CD80: variants seen among roughly 807,000 people sequenced by gnomAD.
The protein encoded by CD80 is CD80 molecule.
In CD80, 13 loss-of-function variants were observed where a neutral mutation model predicts 27.1. The observed-to-expected ratio is 0.48, with a 90% CI of 0.31 to 0.76. The LOEUF is 0.76. Ranked by LOEUF, CD80 falls within the 30% of genes least tolerant of loss-of-function variation. The pLI, the probability that CD80 is intolerant of heterozygous loss-of-function variation, is 0.04. For missense variants in CD80, 277 were observed against 347.9 expected (o/e 0.80, Z 1.62); for synonymous variants, 125 against 125.5 (o/e 1.00, Z 0.03).
chr3:119,536,954 T>A (rs938609821), intron 4 of CD80, among the ~76,000 whole-genome samples, 183 bp downstream of exon 4: 1 of 152,252 alleles, frequency 6.6e-6, no homozygotes, highest in Non-Finnish European at 1.5e-5. Context: ...GGCTGTACCA[T>A]GTAGCCTAGG....
At chr3:119,545,336 CCAAA>C (rs138694157) in intron 2 of CD80, among the ~76,000 whole-genome samples, 10,199 of 151,130 alleles carry the variant, frequency 0.067, 1,016 homozygotes, top group African/African-American at 0.22. Context: ...AACTCCATCT[CCAAA>C]CAAACAAACA....
chr3:119,527,727 G>A lies in CD80; in HGVS notation c.*38+6C>T, dbSNP rs1158747052. ...CATGTATCCCAGAAGAGATGACGGA[G>A]GCTACCTTCAGATCTTTTCAGCCCC... On this transcript the variant is annotated splice_donor_region_variant and intron_variant, in intron 6 of 6. Transcript: ENST00000264246. The A allele has an allele frequency of 6.7e-7, 1 of 1,501,118 alleles. No homozygotes were observed. The highest frequency in any genetic ancestry group is 2.3e-5 in the East Asian group (1 of 44,344). The allele number at this position is 1,501,118 out of a possible 1,614,324, so 93.0% of individuals were successfully genotyped here. A position where few individuals can be genotyped will look rare whatever the true frequency, so the allele number is the denominator to read the frequency against.
chr3:119,531,455 C>T (rs1248233229), intron 4 of CD80, among the ~76,000 whole-genome samples: 1 of 152,184 alleles, frequency 6.6e-6, no homozygotes, highest in Non-Finnish European at 1.5e-5. Context: ...TATTTCTTTC[C>T]ATAGTAGGAT....
intron 2 of CD80, among the ~76,000 whole-genome samples, chr3:119,550,556 G>C (rs2082225862): frequency 6.6e-6 from 1 of 152,162 alleles, no homozygotes; most frequent in Non-Finnish European, 1.5e-5. Flanking sequence ...AGTTTTGTCT[G>C]TTTTAGGGAC....
In CD80 at chr3:119,542,449, T is replaced by C. The variant is rs112633362; in HGVS notation, c.418+2101A>G. Among the ~76,000 whole-genome samples, 62 of 152,268 alleles carry C rather than the reference T, an allele frequency of 4.1e-4. 2 individuals are homozygous for C. Among genetic ancestry groups the C allele is most frequent in the African/African-American group, 1.5e-3 (61 of 41,560 alleles). ...TCATTATGTTTTATTAAGTAAGAAGTTTGGTTTTCACTAGAGGCTCAAGTC... is the reference window on the plus strand; with the variant it reads ...TCATTATGTTTTATTAAGTAAGAAGCTTGGTTTTCACTAGAGGCTCAAGTC... On this transcript the variant is annotated intron_variant, in intron 3 of 6. Transcript: ENST00000264246.
chr3:119,557,549 G>T lies in CD80; in HGVS notation c.100+80C>A, dbSNP rs955949163. On this transcript the variant is annotated intron_variant, in intron 2 of 6. Coordinates refer to ENST00000264246, the MANE Select transcript of CD80 (RefSeq NM_005191.4). ...CCTTCCAGCTTATAGGATAATAGAA[G>T]GGAGCAGCTCAGAGAACCCCATGTC... The T allele has an allele frequency of 6.2e-5, 54 of 873,528 alleles. 6 individuals carry two copies. The Admixed American group carries it at 8.4e-4, about 14-fold the overall frequency. 54.1% of individuals were successfully genotyped at this position (873,528 alleles called of 1,614,324 possible). A position where few individuals can be genotyped will look rare whatever the true frequency, so the allele number is the denominator to read the frequency against.
rs2082144364 is a variant in CD80 at position 119,537,243 on chromosome 3, A to G, written c.594T>C (p.Tyr198=). 6.2e-7 allele frequency: 1 copy of G among 1,614,130 alleles called. No homozygotes were observed. The highest frequency in any genetic ancestry group is 8.5e-7 in the Non-Finnish European group (1 of 1,179,992). Residue 198 remains tyrosine (Y), a synonymous_variant, in exon 4 of 7, where the codon TAT becomes TAC. Transcript: ENST00000264246. ...TVSQDPETEL[Y]AVSSKLDFNM... The stretch of plus-strand genomic sequence containing the variant: ...TGAAATCCAGTTTGCTGCTAACAGC[A>G]TAGAGCTCAGTTTCAGGATCTTGGG...
intron 6 of CD80, 85 bp downstream of exon 6, chr3:119,527,647 TG>T: frequency 2.8e-6 from 2 of 712,700 alleles, no homozygotes; most frequent in Non-Finnish European, 4.8e-6. Flanking sequence ...GGTGAGGTAG[TG>T]GGTAAAACAG....
chr3:119,531,619 A>G (rs893815846), intron 4 of CD80, among the ~76,000 whole-genome samples: 1 of 151,856 alleles, frequency 6.6e-6, no homozygotes, highest in Admixed American at 6.6e-5. Flanking sequence ...CCCTGTTTTT[A>G]CTTTTCTGAT....
intron 2 of CD80, among the ~76,000 whole-genome samples, chr3:119,545,406 T>G (rs1000213010): frequency 1.3e-5 from 2 of 152,110 alleles, no homozygotes; most frequent in Non-Finnish European, 2.9e-5. Context: ...AAGTGTACAG[T>G]TCAGTAATGT....
chr3:119,539,468 CT>C (rs1475172981), intron 3 of CD80, among the ~76,000 whole-genome samples: 1 of 151,656 alleles, frequency 6.6e-6, no homozygotes, highest in Non-Finnish European at 1.5e-5. Flanking sequence ...TATATCCAAA[CT>C]ACAACATTGA....
In CD80 at chr3:119,527,871, ATAAG is replaced by A. The variant is rs748062893; in HGVS notation, c.797-34_797-31del. ...GAGACAAGAACAAACAATAAAAATGATAAGTAAGTTTCCCTTGAATTGTGCCCAT... is the reference window on the plus strand; with the variant it reads ...GAGACAAGAACAAACAATAAAAATGATAAGTTTCCCTTGAATTGTGCCCAT... On this transcript the variant is annotated intron_variant, in intron 5 of 6. Coordinates refer to ENST00000264246, the MANE Select transcript of CD80 (RefSeq NM_005191.4). 8.8e-5 allele frequency: 139 copies of A among 1,584,012 alleles called. No homozygotes were observed. In the African/African-American group the frequency reaches 1.5e-3, roughly 17 times the overall value.
At chr3:119,555,870 A>G (rs1196503401) in intron 2 of CD80, among the ~76,000 whole-genome samples, 2 of 152,238 alleles carry the variant, frequency 1.3e-5, no homozygotes, top group Non-Finnish European at 1.5e-5. Flanking sequence ...CACCTGTGCC[A>G]GCCTCATCCT....
chr3:119,555,560 T>C (rs1202563160), intron 2 of CD80, among the ~76,000 whole-genome samples: 1 of 152,182 alleles, frequency 6.6e-6, no homozygotes, highest in Non-Finnish European at 1.5e-5. Flanking sequence ...AGGGTCCGGT[T>C]CTTGCTCACT....
At chr3:119,554,483 C>A (rs977962494) in intron 2 of CD80, among the ~76,000 whole-genome samples, 1 of 152,186 alleles carries the variant, frequency 6.6e-6, no homozygotes, top group East Asian at 1.9e-4. Context: ...CTTACTGCCA[C>A]CAGTTGCTGG....
intron 2 of CD80, among the ~76,000 whole-genome samples, chr3:119,551,790 G>C (rs1292105224): frequency 6.6e-6 from 1 of 152,214 alleles, no homozygotes; most frequent in Non-Finnish European, 1.5e-5. Context: ...AAATGGGGCT[G>C]TTCTTTCTCA....
At chr3:119,550,265 A>G (rs527004) in intron 2 of CD80, among the ~76,000 whole-genome samples, 116,757 of 152,104 alleles carry the variant, frequency 0.77, 45,088 homozygotes, top group East Asian at 0.86. Flanking sequence ...CGAACTATTC[A>G]TTCCCAGCCA....
chr3:119,531,899 G>C (rs1420016580), intron 4 of CD80, among the ~76,000 whole-genome samples: 3 of 152,014 alleles, frequency 2.0e-5, no homozygotes, highest in Non-Finnish European at 2.9e-5. Flanking sequence ...CCTGACCTCA[G>C]GTGATTCTCC....
intron 3 of CD80, among the ~76,000 whole-genome samples, chr3:119,543,178 C>A (rs577138542): frequency 3.9e-5 from 6 of 152,328 alleles, no homozygotes; most frequent in African/African-American, 1.4e-4. Flanking sequence ...GCCAGTTGTG[C>A]GTAAATTACT....
Sources: gnomAD v4.1 joint callset for allele counts (sites outside exome capture counted in the v4.1 genomes callset) on GRCh38, gnomAD v4.1.1 for gene constraint, MANE v1.5 for transcripts, NCBI Gene and HGNC (gene_info 2026-07-23, HGNC 2026-07-21) for gene names.